LRFN2: variants seen among roughly 807,000 people sequenced by gnomAD.
The protein encoded by LRFN2 is leucine rich repeat and fibronectin type III domain containing 2, also known as leucine-rich repeat and fibronectin type-III domain-containing protein 2.
A neutral mutation model predicts 37.3 loss-of-function variants in LRFN2; 18 were observed. That is an observed-to-expected ratio of 0.48 (90% CI 0.33 to 0.72). LRFN2 has a LOEUF of 0.72. Ranked by LOEUF, LRFN2 falls within the 30% of genes least tolerant of loss-of-function variation. LRFN2 has a pLI of 0.02. For synonymous variants in LRFN2, 556 were observed against 466.6 expected, an observed-to-expected ratio of 1.19 and a Z score of -2.47; for missense variants, 1,006 against 1,060.7, an observed-to-expected ratio of 0.95 and a Z score of 0.72.
intron 1 of LRFN2, among the ~76,000 whole-genome samples, chr6:40,482,638 A>C (rs560249380): frequency 6.6e-6 from 1 of 152,198 alleles, no homozygotes; most frequent in Admixed American, 6.5e-5. Context: ...AACATCTGCC[A>C]GCTCCTCTGA....
intron 1 of LRFN2, among the ~76,000 whole-genome samples, chr6:40,493,810 A>T (rs1288433062): frequency 6.6e-6 from 1 of 152,168 alleles, no homozygotes; most frequent in Non-Finnish European, 1.5e-5. Context: ...ATCCCCATCA[A>T]GCCAGGCTCT....
At chr6:40,399,587 G>T (rs1386542699) in intron 2 of LRFN2, among the ~76,000 whole-genome samples, 1 of 151,220 alleles carries the variant, frequency 6.6e-6, no homozygotes, top group African/African-American at 2.4e-5. Context: ...ACAGGTGCAC[G>T]CCACCAAGCC....
intron 1 of LRFN2, among the ~76,000 whole-genome samples, chr6:40,573,757 C>A (rs886483272): frequency 6.6e-6 from 1 of 152,200 alleles, no homozygotes; most frequent in Non-Finnish European, 1.5e-5. Context: ...GCAGGTGAAT[C>A]ACCCGAGGTC....
intron 1 of LRFN2, among the ~76,000 whole-genome samples, chr6:40,485,700 G>A (rs888163736): frequency 1.3e-5 from 2 of 152,192 alleles, no homozygotes; most frequent in African/African-American, 2.4e-5. Flanking sequence ...TACACCCAAC[G>A]TCTGGACTTT....
At chr6:40,465,324 G>A (rs1343925600) in intron 1 of LRFN2, among the ~76,000 whole-genome samples, 1 of 152,158 alleles carries the variant, frequency 6.6e-6, no homozygotes, top group African/African-American at 2.4e-5. Context: ...TCATATATTT[G>A]TTATTTTAAG....
At chr6:40,485,477 C>T (rs1015271210) in intron 1 of LRFN2, among the ~76,000 whole-genome samples, 2 of 152,140 alleles carry the variant, frequency 1.3e-5, no homozygotes, top group South Asian at 2.1e-4. Flanking sequence ...TAGAAATTTA[C>T]TCAATATGTT....
chr6:40,434,758 G>A (rs1297858889), intron 1 of LRFN2, among the ~76,000 whole-genome samples: 3 of 151,516 alleles, frequency 2.0e-5, no homozygotes, highest in Non-Finnish European at 2.9e-5. Context: ...GATTACAAGC[G>A]TGAGCCACCG....
intron 1 of LRFN2, among the ~76,000 whole-genome samples, chr6:40,519,576 G>A (rs539133782): frequency 1.4e-4 from 22 of 152,272 alleles, no homozygotes; most frequent in African/African-American, 2.9e-4. Flanking sequence ...AAGAATATGC[G>A]TGGCCCAGCC....
At chr6:40,405,005 C>G (rs1762812388) in intron 2 of LRFN2, among the ~76,000 whole-genome samples, 1 of 152,192 alleles carries the variant, frequency 6.6e-6, no homozygotes, top group Non-Finnish European at 1.5e-5. Context: ...AAGGCTTGGC[C>G]CCACTGGCAA....
intron 2 of LRFN2, among the ~76,000 whole-genome samples, chr6:40,415,105 G>T (rs1052313056): frequency 6.6e-6 from 1 of 152,284 alleles, no homozygotes; most frequent in South Asian, 2.1e-4. Flanking sequence ...AGGGACCAGA[G>T]ACCCACCCCA....
At chr6:40,458,111 T>G (rs1400097301) in intron 1 of LRFN2, among the ~76,000 whole-genome samples, 1 of 152,196 alleles carries the variant, frequency 6.6e-6, no homozygotes, top group Non-Finnish European at 1.5e-5. Flanking sequence ...TAAAGCATAA[T>G]CTAGTTATTC....
intron 1 of LRFN2, among the ~76,000 whole-genome samples, chr6:40,464,385 G>A (rs1764412402): frequency 6.6e-6 from 1 of 152,284 alleles, no homozygotes; most frequent in African/African-American, 2.4e-5. Flanking sequence ...AAGGTGATTA[G>A]GTTATGATGA....
At chr6:40,491,361 C>T (rs1306603997) in intron 1 of LRFN2, among the ~76,000 whole-genome samples, 1 of 152,216 alleles carries the variant, frequency 6.6e-6, no homozygotes, top group East Asian at 1.9e-4. Context: ...CTTGTCAAGG[C>T]CATCATCTTG....
chr6:40,430,635 G>A (rs1581698588), intron 2 of LRFN2, among the ~76,000 whole-genome samples: 1 of 152,326 alleles, frequency 6.6e-6, no homozygotes, highest in East Asian at 1.9e-4. Context: ...AATGACTTAT[G>A]TGATTCTATT....
intron 2 of LRFN2, among the ~76,000 whole-genome samples, chr6:40,418,933 G>A (rs567250768): frequency 6.6e-6 from 1 of 152,278 alleles, no homozygotes; most frequent in African/African-American, 2.4e-5. Flanking sequence ...TCCTAGACCA[G>A]TGATTCTCAA....
chr6:40,403,427 C>T (rs1762782194), intron 2 of LRFN2, among the ~76,000 whole-genome samples: 1 of 152,144 alleles, frequency 6.6e-6, no homozygotes, highest in Non-Finnish European at 1.5e-5. Context: ...GGACCAGAGG[C>T]CTGGGGTTGG....
chr6:40,582,721 A>T (rs1269714849), intron 1 of LRFN2, among the ~76,000 whole-genome samples: 1 of 151,124 alleles, frequency 6.6e-6, no homozygotes, highest in Non-Finnish European at 1.5e-5. Flanking sequence ...TCAGAAAAAA[A>T]AAAAAAAGAC....
At chr6:40,411,932 A>C (rs1762977371) in intron 2 of LRFN2, among the ~76,000 whole-genome samples, 1 of 151,844 alleles carries the variant, frequency 6.6e-6, no homozygotes, top group African/African-American at 2.4e-5. Flanking sequence ...TTGTTGACCG[A>C]TGTGTTCTAA....
At chr6:40,448,201 G>A (rs951423281) in intron 1 of LRFN2, among the ~76,000 whole-genome samples, 1 of 152,086 alleles carries the variant, frequency 6.6e-6, no homozygotes, top group African/African-American at 2.4e-5. Flanking sequence ...AGTTGGGGAA[G>A]CAGCTCATAC....
Sources: allele counts gnomAD v4.1 joint callset (sites outside exome capture counted in the v4.1 genomes callset), GRCh38; gene constraint gnomAD v4.1.1; transcripts MANE v1.5; gene names NCBI Gene and HGNC (gene_info 2026-07-23, HGNC 2026-07-21).